The following ABCA7 variants were observed in gnomAD, a reference collection of about 807,000 sequenced individuals.
The protein encoded by ABCA7 is phospholipid-transporting ATPase ABCA7.
A neutral mutation model predicts 227.6 loss-of-function variants in ABCA7; 261 were observed. The observed-to-expected ratio is 1.15, with a 90% confidence interval of 1.04 to 1.27. The LOEUF is 1.27. ABCA7 is among the 50% of genes most tolerant of loss of function. The probability of loss-of-function intolerance (pLI) is 0.00; values close to 1 mark genes in which losing one functional copy is unlikely to be tolerated. For missense variants in ABCA7, 3,331 were observed against 2,924.5 expected (o/e 1.14, Z -3.21); for synonymous variants, 1,488 against 1,279.7 (o/e 1.16, Z -3.47).
At chr19:1,046,534 A>T (rs1005209952) in intron 13 of ABCA7, 128 bp downstream of exon 13, 75 of 1,191,144 alleles carry the variant, frequency 6.3e-5, no homozygotes, top group Non-Finnish European at 8.3e-5. Flanking sequence ...ACACCACTCC[A>T]CGTGACCTGC....
chr19:1,047,559 C>T lies in ABCA7; in HGVS notation c.2174C>T (p.Ala725Val). 1 of 1,602,152 alleles carries T rather than the reference C, an allele frequency of 6.2e-7. No individual in the cohort carries two copies. Among genetic ancestry groups the T allele is most frequent in the Non-Finnish European group, 8.5e-7 (1 of 1,178,892 alleles). The change falls in exon 16 of 47, where the codon GCA (alanine) becomes GTA (valine). Residue 725 changes from alanine to valine, a missense_variant. Transcript: ENST00000263094. Reference protein sequence around the residue: ...QWHNVGTRPTADVFSLAQVSG... With the variant: ...QWHNVGTRPTVDVFSLAQVSG... Reference sequence around the variant, plus strand: ...CACAACGTGGGCACCCGGCCTACGGCAGACGTCTTCAGCCTGGCCCAGGTC... The same window carrying T: ...CACAACGTGGGCACCCGGCCTACGGTAGACGTCTTCAGCCTGGCCCAGGTC...
At chr19:1,046,564 G>T (rs940300895) in intron 13 of ABCA7, among the ~76,000 whole-genome samples, 158 bp downstream of exon 13, 2 of 149,842 alleles carry the variant, frequency 1.3e-5, no homozygotes, top group East Asian at 2.0e-4. Context: ...AGGAGCAGGG[G>T]ACTCTGAGGG....
intron 11 of ABCA7, 64 bp from the exon 12 acceptor site, chr19:1,044,938 G>A: frequency 6.4e-7 from 1 of 1,571,256 alleles, no homozygotes; most frequent in Non-Finnish European, 8.7e-7. Flanking sequence ...TCCAGGGGGA[G>A]GAGCGGAGTG....
chr19:1,046,743 G>T, intron 13 of ABCA7, 59 bp from the exon 14 acceptor site: 1 of 1,479,778 alleles, frequency 6.8e-7, no homozygotes, highest in South Asian at 1.2e-5. Context: ...GCCAGATGGT[G>T]GGCGGAGGGG....
chr19:1,047,521 G>T lies in ABCA7; in HGVS notation c.2136G>T (p.Glu712Asp). 2.5e-6 allele frequency: 4 copies of T among 1,591,932 alleles called. No individual in the cohort carries two copies. Among genetic ancestry groups the T allele is most frequent in the Non-Finnish European group, 1.7e-6 (2 of 1,174,646 alleles). ...TGGCTCTGCTGGAGGAGCAGGGCGA[G>T]GGCGCGCAGTGGCACAACGTGGGCA... ...ESLALLEEQG[E>D]GAQWHNVGTR... The change falls in exon 16 of 47, where the codon GAG becomes GAT. Residue 712 changes from glutamate to aspartate, a missense_variant. Physicochemically the swap from Glu to Asp is conservative, Grantham distance 45. Coordinates refer to ENST00000263094, the MANE Select transcript of ABCA7 (RefSeq NM_019112.4).
chr19:1,043,224 G>C lies in ABCA7; in HGVS notation c.763G>C (p.Glu255Gln), dbSNP rs1236812506. ...GATGGAGCTGGTGGGGCAGGAGCCA[G>C]AATCCGCCCTGCCAGACAGCAGCCT... ...DLMELVGQEP[E>Q]SALPDSSLSP... is the part of the protein sequence containing the mutation. Residue 255 changes from glutamate to glutamine, a missense_variant, in exon 8 of 47, where the codon GAA becomes CAA. Physicochemically the swap from Glu to Gln is conservative, Grantham distance 29 (BLOSUM62 2). Transcript: ENST00000263094. The C allele has an allele frequency of 6.8e-6, 11 of 1,607,912 alleles. No homozygotes were observed. Among genetic ancestry groups the C allele is most frequent in the Non-Finnish European group, 9.4e-6 (11 of 1,175,910 alleles).
In ABCA7 at chr19:1,056,785, C is replaced by T. The variant is rs985234260; in HGVS notation, c.4587-122C>T. On this transcript the variant is annotated intron_variant, in intron 33 of 46. Coordinates refer to ENST00000263094, the MANE Select transcript of ABCA7 (RefSeq NM_019112.4). This position sits in a 1 kb window ranked among gnomAD's most constrained non-coding sequence, Gnocchi z 4.3. ...AGGCACCCTCATCCCTAAATTGCCCCTGCCATCTCTGCCACTGCTGACTGC... is the reference window on the plus strand; with the variant it reads ...AGGCACCCTCATCCCTAAATTGCCCTTGCCATCTCTGCCACTGCTGACTGC... The T allele has an allele frequency of 4.3e-6, 5 of 1,158,676 alleles. No homozygotes were observed. In the East Asian group the frequency reaches 1.2e-4, roughly 27 times the overall value. The allele number at this position is 1,158,676 out of a possible 1,614,324, so 71.8% of individuals were successfully genotyped here. A position where few individuals can be genotyped will look rare whatever the true frequency, so the allele number is the denominator to read the frequency against.
intron 25 of ABCA7, 70 bp from the exon 26 acceptor site, chr19:1,053,936 C>A: frequency 6.2e-7 from 1 of 1,603,278 alleles, no homozygotes; most frequent in East Asian, 2.2e-5. Flanking sequence ...TAGCCTTTAC[C>A]CTATACCTGA....
At position 1,057,435 on chromosome 19, in the gene ABCA7, G is replaced by GC. The variant is rs540005408; in HGVS notation, c.4880+11dup. 1.2e-4 allele frequency: 190 copies of GC among 1,611,294 alleles called. No individual in the cohort carries two copies. In the African/African-American group the frequency reaches 2.2e-3, roughly 19 times the overall value. On this transcript the variant is annotated splice_region_variant and intron_variant, in intron 35 of 46. Transcript: ENST00000263094. ...CTGTTGCTACTACTGTATGGGTGAG[G>GC]CCCCCAGTCCCTCAGGGCCTATTCT...
Position 1,054,431 on chromosome 19 carries a change from C to T in ABCA7, c.3726+90C>T. ...TCAGTGGCCTAATCCAAACCCTTAC[C>T]CCCGTGTGTATTCCCAACCCAAAGC... is the stretch of plus-strand genomic sequence containing the variant. On this transcript the variant is annotated intron_variant, in intron 27 of 46. Transcript: ENST00000263094. This position sits in a 1 kb window ranked among gnomAD's most constrained non-coding sequence, Gnocchi z 4.8. 6.4e-7 allele frequency: 1 copy of T among 1,550,546 alleles called. No homozygotes were observed. Among genetic ancestry groups the T allele is most frequent in the Middle Eastern group, 2.3e-4 (1 of 4,310 alleles).
rs758095642 is a variant in ABCA7, at chr19:1,042,214, T to C, written c.415+38T>C. 1.2e-5 allele frequency: 19 copies of C among 1,594,876 alleles called. No individual in the cohort carries two copies. In the Admixed American group the frequency reaches 1.7e-4, roughly 14 times the overall value. ...GGGGGCCTCTGGCAGGGCTGAGCTCTGAGCCTCAACTTGCCGGGCCGTGAA... is the reference window on the plus strand; with the variant it reads ...GGGGGCCTCTGGCAGGGCTGAGCTCCGAGCCTCAACTTGCCGGGCCGTGAA... On this transcript the variant is annotated intron_variant, in intron 5 of 46. Coordinates refer to ENST00000263094, the MANE Select transcript of ABCA7 (RefSeq NM_019112.4).
rs780118868 is a variant in ABCA7 at position 1,054,853 on chromosome 19, C to G, written c.3925C>G (p.Pro1309Ala). ...GCTGCAGGAGGCAGGACTGGAGGAG[C>G]CCCCAGTGCAGCATAGCTCCCACAG... The part of the protein sequence containing the change: ...ALLQEAGLEE[P>A]PVQHSSHRFS... The change falls in exon 29 of 47, where the codon CCC becomes GCC. Residue 1309 changes from proline to alanine, a missense_variant. Pro to Ala is a conservative substitution (Grantham distance 27). Coordinates refer to ENST00000263094, the MANE Select transcript of ABCA7 (RefSeq NM_019112.4). The surrounding 1 kb of genome is among the most constrained non-coding windows in gnomAD (Gnocchi z 4.8). 6.4e-7 allele frequency: 1 copy of G among 1,562,944 alleles called. No homozygotes were observed. Among genetic ancestry groups the G allele is most frequent in the South Asian group, 1.2e-5 (1 of 85,914 alleles).
At chr19:1,041,656 C>T (rs1334607075) in intron 3 of ABCA7, 53 bp downstream of exon 3, 1 of 1,589,002 alleles carries the variant, frequency 6.3e-7, no homozygotes, top group Non-Finnish European at 8.6e-7. Context: ...AGGCAGATGG[C>T]TCACCCGTGC....
rs1200769633 is a variant in ABCA7, at chr19:1,054,811, C to T, written c.3883C>T (p.Arg1295Trp). Residue 1295 changes from arginine (R) to tryptophan (W), a missense_variant, in exon 29 of 47, where the codon CGG becomes TGG. Arg to Trp is a moderately radical substitution (Grantham distance 101). Transcript: ENST00000263094. This position sits in a 1 kb window ranked among gnomAD's most constrained non-coding sequence, Gnocchi z 4.8. Reference protein sequence around the residue: ...EDAPGDPGRARLLEALLQEAG... With the variant: ...EDAPGDPGRAWLLEALLQEAG... Reference sequence around the variant, plus strand: ...CGCCCCAGGGGACCCTGGACGTGCCCGGCTGCTCGAGGCGCTGCTGCAGGA... The same window carrying T: ...CGCCCCAGGGGACCCTGGACGTGCCTGGCTGCTCGAGGCGCTGCTGCAGGA... The T allele has an allele frequency of 8.2e-6, 13 of 1,585,412 alleles. No individual in the cohort carries two copies. The highest frequency in any genetic ancestry group is 4.6e-5 in the East Asian group (2 of 43,160).
rs1231839088 is a variant in ABCA7 at position 1,044,629 on chromosome 19, G to A, written c.1100G>A (p.Arg367Gln). ...AGAAGGCAGCCCAGACCTGGAGGCC[G>A]GGACCACATGGAGGCCCTGCGATCC... Reference protein sequence around the residue: ...EGRRQPRPGGRDHMEALRSFL... With the variant: ...EGRRQPRPGGQDHMEALRSFL... Residue 367 changes from arginine to glutamine, a missense_variant, in exon 11 of 47, where the codon CGG becomes CAG. Physicochemically the swap from Arg to Gln is conservative, Grantham distance 43. Transcript: ENST00000263094. 8 of 1,613,122 alleles carry A rather than the reference G, an allele frequency of 5.0e-6. No homozygotes were observed. Among genetic ancestry groups the A allele is most frequent in the East Asian group, 2.2e-5 (1 of 44,894 alleles).
chr19:1,054,949 G>A lies in ABCA7; in HGVS notation c.3950+71G>A. ...TTTTCCCATCTGGTCCCTGGCCAGGGAGCCTCAGGGGGCACCTGGAGCATC... is the reference window on the plus strand; with the variant it reads ...TTTTCCCATCTGGTCCCTGGCCAGGAAGCCTCAGGGGGCACCTGGAGCATC... On this transcript the variant is annotated intron_variant, in intron 29 of 46. Transcript: ENST00000263094. This position sits in a 1 kb window ranked among gnomAD's most constrained non-coding sequence, Gnocchi z 4.8. 6.4e-7 allele frequency: 1 copy of A among 1,553,340 alleles called. No individual in the cohort carries two copies. Among genetic ancestry groups the A allele is most frequent in the Non-Finnish European group, 8.7e-7 (1 of 1,144,394 alleles).
In ABCA7 at chr19:1,045,154, C is replaced by T. The variant is rs745845261; in HGVS notation, c.1368C>T (p.Asp456=). The T allele has an allele frequency of 1.2e-6, 2 of 1,612,930 alleles. No homozygotes were observed. Among genetic ancestry groups the T allele is most frequent in the East Asian group, 4.5e-5 (2 of 44,874 alleles). ...SSDPTEHPTP[D]LGPGHVRIKI... ...ACCCCACAGAGCACCCAACCCCAGACCTGGGCCCCGGCCACGTGCGCATCA... is the reference window on the plus strand; with the variant it reads ...ACCCCACAGAGCACCCAACCCCAGATCTGGGCCCCGGCCACGTGCGCATCA... The change falls in exon 12 of 47, where the codon GAC becomes GAT. Residue 456 remains aspartate (D), a synonymous_variant. Transcript: ENST00000263094.
chr19:1,060,009 C>T (rs1056315483), intron 40 of ABCA7, among the ~76,000 whole-genome samples: 3 of 151,984 alleles, frequency 2.0e-5, no homozygotes, highest in Non-Finnish European at 4.4e-5. Flanking sequence ...TTTATTGGAC[C>T]CCTATTGTAT....
intron 1 of ABCA7, 60 bp downstream of exon 1, chr19:1,040,256 G>C (rs74639723): frequency 6.6e-6 from 1 of 152,234 alleles, no homozygotes; most frequent in Non-Finnish European, 1.5e-5. Flanking sequence ...GTTGGGGCCG[G>C]GAGGGATGCA....
Sources: gnomAD v4.1 joint callset for allele counts (sites outside exome capture counted in the v4.1 genomes callset) on GRCh38, gnomAD v4.1.1 for gene constraint, Gnocchi (gnomAD v3.1) non-coding constraint, MANE v1.5 for transcripts, NCBI Gene and HGNC (gene_info 2026-07-23, HGNC 2026-07-21) for gene names.